Variants in MAP4 observed in about 807,000 individuals in gnomAD.
The protein encoded by MAP4 is microtubule-associated protein 4.
MAP4 carries 76 observed loss-of-function variants against 170.2 expected under a neutral mutation model. The observed-to-expected ratio is 0.45, with a 90% CI of 0.37 to 0.54. MAP4 has a LOEUF of 0.54. Ranked by LOEUF, MAP4 falls within the 20% of genes least tolerant of loss-of-function variation. The pLI is 0.00. For synonymous variants in MAP4, 909 were observed against 994.5 expected (o/e 0.91, Z 1.62); for missense variants, 2,506 against 2,748.0 (o/e 0.91, Z 1.97).
chr3:47,852,927 G>A lies in MAP4; in HGVS notation c.*7C>T, dbSNP rs777508380. ...TGGCATTTGCCCGGAACGTCAGCCT[G>A]TAGGTCTCAATCTGCAGTGACATGG... On this transcript the variant is annotated 3_prime_UTR_variant, in exon 21 of 21. Transcript: ENST00000683076. 1.2e-6 allele frequency: 2 copies of A among 1,612,676 alleles called. No homozygotes were observed. The highest frequency in any genetic ancestry group is 1.7e-6 in the Non-Finnish European group (2 of 1,179,124).
At chr3:47,961,553 T>C (rs2100071589) in intron 3 of MAP4, among the ~76,000 whole-genome samples, 1 of 152,228 alleles carries the variant, frequency 6.6e-6, no homozygotes, top group Admixed American at 6.5e-5. Context: ...AATAATAGGC[T>C]ATGCAAGTAA....
intron 3 of MAP4, among the ~76,000 whole-genome samples, chr3:47,972,891 A>C (rs2100079614): frequency 6.6e-6 from 1 of 152,116 alleles, no homozygotes; most frequent in African/African-American, 2.4e-5. Context: ...GTCTCAAAAA[A>C]AAAAAAGAAA....
chr3:47,961,929 C>T (rs1008275116), intron 3 of MAP4, among the ~76,000 whole-genome samples: 16 of 152,268 alleles, frequency 1.1e-4, no homozygotes, highest in Middle Eastern at 3.4e-3. Flanking sequence ...AATTTCCTGT[C>T]GCACCCTGCT....
intron 10 of MAP4, among the ~76,000 whole-genome samples, chr3:47,893,025 C>CT (rs1304896277): frequency 1.5e-4 from 15 of 98,704 alleles, no homozygotes; most frequent in African/African-American, 5.2e-4. Context: ...CAAAATTGGA[C>CT]TAAAAAAAAA....
intron 10 of MAP4, among the ~76,000 whole-genome samples, chr3:47,896,014 G>T (rs1000520496): frequency 6.6e-6 from 1 of 152,044 alleles, no homozygotes; most frequent in Non-Finnish European, 1.5e-5. Flanking sequence ...GGGGTGGGGG[G>T]GCGGTCAGAA....
Position 47,917,158 on chromosome 3 carries a change from G to A in MAP4, c.669C>T (p.Ala223=). 1 of 1,613,654 alleles carries A rather than the reference G, an allele frequency of 6.2e-7. No individual in the cohort carries two copies. Among genetic ancestry groups the A allele is most frequent in the Non-Finnish European group, 8.5e-7 (1 of 1,179,758 alleles). ...CTTCTGATGCCATTTCTATCTCCTT[G>A]GCTAGCTCTAAGGGAACTAAATTGG... ...PQPTAVPLEL[A]KEIEMASEER... is the part of the protein sequence containing the mutation. Residue 223 remains alanine (A), a synonymous_variant, in exon 7 of 21, where the codon GCC becomes GCT. Transcript: ENST00000683076.
intron 1 of MAP4, among the ~76,000 whole-genome samples, chr3:48,038,071 G>A (rs1018094654): frequency 3.3e-5 from 5 of 151,610 alleles, no homozygotes; most frequent in Non-Finnish European, 4.4e-5. Flanking sequence ...AGGAGGCTGA[G>A]GCAAGAGAAT....
intron 1 of MAP4, among the ~76,000 whole-genome samples, chr3:48,067,537 G>A (rs1286773570): frequency 6.6e-6 from 1 of 151,890 alleles, no homozygotes; most frequent in Non-Finnish European, 1.5e-5. Flanking sequence ...CACTTTCTTA[G>A]GTTTAAAAAT....
chr3:47,952,923 C>CAAA (rs1559581522), intron 3 of MAP4, among the ~76,000 whole-genome samples: 1 of 151,096 alleles, frequency 6.6e-6, no homozygotes, highest in African/African-American at 2.4e-5. Context: ...GACTCCATCT[C>CAAA]AAAAAATAAA....
intron 3 of MAP4, among the ~76,000 whole-genome samples, chr3:47,940,269 T>C (rs1018252482): frequency 6.6e-6 from 1 of 152,170 alleles, no homozygotes; most frequent in African/African-American, 2.4e-5. Context: ...TTAAGGAGCA[T>C]GTTTGACCAG....
At position 47,871,301 on chromosome 3, in the gene MAP4, C is replaced by A. The variant is rs1255674740; in HGVS notation, c.5942-15G>T. 1 of 1,600,262 alleles carries A rather than the reference C, an allele frequency of 6.2e-7. No homozygotes were observed. Among genetic ancestry groups the A allele is most frequent in the African/African-American group, 1.3e-5 (1 of 74,624 alleles). ...AGTCTTAATGGCTGTACAAAATATA[C>A]TTATTAATATAACATTTAACAAACT... On this transcript the variant is annotated splice_polypyrimidine_tract_variant and intron_variant, in intron 13 of 20. Transcript: ENST00000683076.
intron 17 of MAP4, among the ~76,000 whole-genome samples, chr3:47,860,315 C>T (rs1008660273): frequency 1.2e-4 from 18 of 152,212 alleles, no homozygotes; most frequent in African/African-American, 4.3e-4. Flanking sequence ...GCTCAAGCCC[C>T]TCAAGTGGCT....
intron 1 of MAP4, among the ~76,000 whole-genome samples, chr3:48,056,338 G>A (rs2100131534): frequency 6.3e-5 from 6 of 94,906 alleles, no homozygotes; most frequent in Non-Finnish European, 9.3e-5. Context: ...GCCCCTACTG[G>A]GAAGTGAGGA....
Position 47,857,413 on chromosome 3 carries a change from A to G in MAP4, c.6583+18T>C, listed in dbSNP as rs1190813183. The stretch of plus-strand genomic sequence containing the variant: ...GACATACCCTGGAGACCCAGTGGGC[A>G]AGGGAGGCACCACTCACCAGGCTTG... On this transcript the variant is annotated intron_variant, in intron 18 of 20. Transcript: ENST00000683076. The G allele has an allele frequency of 6.2e-7, 1 of 1,610,186 alleles. No individual in the cohort carries two copies. The highest frequency in any genetic ancestry group is 8.5e-7 in the Non-Finnish European group (1 of 1,176,454).
chr3:48,067,556 G>A (rs977270999), intron 1 of MAP4, among the ~76,000 whole-genome samples: 6 of 151,908 alleles, frequency 3.9e-5, no homozygotes, highest in Non-Finnish European at 8.8e-5. Flanking sequence ...ATATAGAGGC[G>A]GTCTGGGCAT....
At position 47,969,839 on chromosome 3, in the gene MAP4, G is replaced by A. The variant is rs188643386; in HGVS notation, c.292+8026C>T. 7.2e-3 allele frequency among the ~76,000 whole-genome samples: 1,077 copies of A among 150,092 alleles called. 4 individuals are homozygous for A. The highest frequency in any genetic ancestry group is 0.012 in the Non-Finnish European group (781 of 67,640). ...CGCACCACTGCACTCCAGCCTGGGC[G>A]ACAGAGCAAGACTCTGTCTCAAAAA... On this transcript the variant is annotated intron_variant, in intron 3 of 20. Coordinates refer to ENST00000683076, the MANE Select transcript of MAP4 (RefSeq NM_001385682.1).
chr3:47,981,023 T>TGGC (rs2154290527), intron 2 of MAP4, among the ~76,000 whole-genome samples: 1 of 152,336 alleles, frequency 6.6e-6, no homozygotes, highest in African/African-American at 2.4e-5. Context: ...TGAGACAATT[T>TGGC]GGCAGCCTAT....
chr3:47,888,447 C>T (rs1048554066), intron 10 of MAP4, among the ~76,000 whole-genome samples: 3 of 152,084 alleles, frequency 2.0e-5, no homozygotes, highest in Admixed American at 6.6e-5. Context: ...ACAAACCCAC[C>T]GGGAGGAACG....
At chr3:48,036,557 T>C (rs2154526493) in intron 1 of MAP4, among the ~76,000 whole-genome samples, 1 of 152,326 alleles carries the variant, frequency 6.6e-6, no homozygotes, top group East Asian at 1.9e-4. Flanking sequence ...GATATCGTCA[T>C]GTATAGAGCT....
Sources: gnomAD v4.1 joint callset for allele counts (sites outside exome capture counted in the v4.1 genomes callset) on GRCh38, gnomAD v4.1.1 for gene constraint, MANE v1.5 for transcripts, NCBI Gene and HGNC (gene_info 2026-07-23, HGNC 2026-07-21) for gene names.